Variants in LIPI observed in about 807,000 individuals in gnomAD.
LIPI encodes lipase member I.
In LIPI, 59 loss-of-function variants were observed where a neutral mutation model predicts 50.6. The ratio of observed to expected loss-of-function variants is 1.16; its 90% CI spans 0.94 to 1.45. LIPI has a LOEUF of 1.45. Ranked by LOEUF, LIPI falls within the 40% of genes most tolerant of loss-of-function variation. The probability of loss-of-function intolerance (pLI) is 0.00; values close to 1 mark genes in which losing one functional copy is unlikely to be tolerated. For synonymous variants in LIPI, 203 were observed against 178.2 expected (o/e 1.14, Z -1.11); for missense variants, 586 against 536.3 (o/e 1.09, Z -0.92).
chr21:14,184,432 A>G (rs188174148), intron 3 of LIPI, among the ~76,000 whole-genome samples: 4 of 152,114 alleles, frequency 2.6e-5, no homozygotes, highest in African/African-American at 9.7e-5. Flanking sequence ...CATATGTAAC[A>G]AACCTGCACG....
In LIPI at chr21:14,189,096, T is replaced by C. The variant is rs771954382; in HGVS notation, c.370A>G (p.Arg124Gly). Residue 124 changes from arginine to glycine, a missense_variant, in exon 2 of 10, where the codon AGA becomes GGA. Coordinates refer to ENST00000681601, the MANE Select transcript of LIPI (RefSeq NM_001302998.2). ...SRGATTFIYN[R>G]AVKNTRKVAV... is the part of the protein sequence containing the mutation. ...ACTTTTCTGGTGTTTTTAACTGCTC[T>C]ATTATAAATAAAAGTTGTAGCACCC... 7 of 1,612,306 alleles carry C rather than the reference T, an allele frequency of 4.3e-6. No homozygotes were observed. Among genetic ancestry groups the C allele is most frequent in the Admixed American group, 1.7e-5 (1 of 60,002 alleles).
intron 9 of LIPI, among the ~76,000 whole-genome samples, chr21:14,120,817 G>A (rs928017559): frequency 6.7e-6 from 1 of 148,218 alleles, no homozygotes; most frequent in Non-Finnish European, 1.5e-5. Context: ...GTTTCACCAA[G>A]GAACACACAT....
intron 7 of LIPI, among the ~76,000 whole-genome samples, chr21:14,157,343 G>A (rs2018309189): frequency 1.3e-5 from 2 of 151,904 alleles, no homozygotes; most frequent in East Asian, 1.9e-4. Context: ...AAAAATCAGA[G>A]CATTTAGTCA....
At chr21:14,162,013 T>C (rs1334908361) in intron 7 of LIPI, among the ~76,000 whole-genome samples, 1 of 147,280 alleles carries the variant, frequency 6.8e-6, no homozygotes, top group Non-Finnish European at 1.5e-5. Context: ...AATGATTCAC[T>C]ATACCTTTAG....
Position 14,166,434 on chromosome 21 carries a change from G to A in LIPI, c.661C>T (p.Pro221Ser). 1 of 1,603,438 alleles carries A rather than the reference G, an allele frequency of 6.2e-7. No homozygotes were observed. Among genetic ancestry groups the A allele is most frequent in the Non-Finnish European group, 8.5e-7 (1 of 1,170,524 alleles). Residue 221 changes from proline (P) to serine (S), a missense_variant, in exon 5 of 10, where the codon CCC (proline) becomes TCC (serine). Pro to Ser is a moderately conservative substitution (Grantham distance 74). Coordinates refer to ENST00000681601, the MANE Select transcript of LIPI (RefSeq NM_001302998.2). ...GGATAAAAATCTATATGTCCCAAGG[G>A]CTCTTGAATGCCTAAACCTGAGAAG... ...SDSNGLGIQE[P>S]LGHIDFYPNG...
At chr21:14,160,589 C>T (rs1010369670) in intron 7 of LIPI, among the ~76,000 whole-genome samples, 1 of 151,244 alleles carries the variant, frequency 6.6e-6, no homozygotes, top group Non-Finnish European at 1.5e-5. Flanking sequence ...GGGCTCAACA[C>T]AGAGTTCTTA....
chr21:14,136,450 G>C (rs1422825919), intron 9 of LIPI, among the ~76,000 whole-genome samples: 1 of 152,148 alleles, frequency 6.6e-6, no homozygotes. Context: ...CTGTCCAAGG[G>C]TGGTGGTGCC....
intron 9 of LIPI, among the ~76,000 whole-genome samples, chr21:14,122,763 A>G (rs2016912997): frequency 6.6e-6 from 1 of 152,220 alleles, no homozygotes; most frequent in Non-Finnish European, 1.5e-5. Context: ...AAAGCCAAAC[A>G]TACCTTTTTG....
chr21:14,158,916 A>G (rs1232388628), intron 7 of LIPI, among the ~76,000 whole-genome samples: 1 of 151,288 alleles, frequency 6.6e-6, no homozygotes, highest in African/African-American at 2.4e-5. Flanking sequence ...AAAAACCACA[A>G]ACTACAAAAC....
intron 1 of LIPI, among the ~76,000 whole-genome samples, chr21:14,202,547 A>G (rs983715648): frequency 2.3e-4 from 35 of 152,136 alleles, no homozygotes; most frequent in African/African-American, 8.4e-4. Context: ...CAACCATCTG[A>G]TCTTTGACAA....
At chr21:14,197,893 G>A (rs552112273) in intron 1 of LIPI, among the ~76,000 whole-genome samples, 1 of 152,078 alleles carries the variant, frequency 6.6e-6, no homozygotes, top group African/African-American at 2.4e-5. Flanking sequence ...CACCTACAAA[G>A]GGGAGCCATC....
intron 8 of LIPI, among the ~76,000 whole-genome samples, chr21:14,145,709 G>GA (rs35121631): frequency 6.6e-6 from 1 of 151,684 alleles, no homozygotes; most frequent in Admixed American, 6.6e-5. Flanking sequence ...GAAGTGAAGG[G>GA]AAAAAAAGTT....
intron 7 of LIPI, among the ~76,000 whole-genome samples, chr21:14,159,594 T>A (rs1231065578): frequency 1.3e-5 from 2 of 151,296 alleles, no homozygotes; most frequent in African/African-American, 2.4e-5. Flanking sequence ...CAAAGGTATC[T>A]GTGCTTACCA....
chr21:14,141,437 C>T (rs1338801309), intron 9 of LIPI, among the ~76,000 whole-genome samples: 2 of 150,848 alleles, frequency 1.3e-5, no homozygotes, highest in Non-Finnish European at 3.0e-5. Flanking sequence ...ATCAGTTGTC[C>T]CATCATCTCA....
chr21:14,133,384 A>T (rs1407881261), intron 9 of LIPI, among the ~76,000 whole-genome samples: 2 of 152,242 alleles, frequency 1.3e-5, no homozygotes, highest in Non-Finnish European at 2.9e-5. Context: ...GAAAGACATC[A>T]TCTCAATAGA....
At chr21:14,209,206 G>A (rs922942171) in intron 1 of LIPI, among the ~76,000 whole-genome samples, 1 of 152,116 alleles carries the variant, frequency 6.6e-6, no homozygotes, top group Non-Finnish European at 1.5e-5. Context: ...CTGTATATCT[G>A]TATAAAGTTT....
intron 1 of LIPI, among the ~76,000 whole-genome samples, chr21:14,205,681 T>G (rs948919119): frequency 6.6e-6 from 1 of 152,096 alleles, no homozygotes; most frequent in Non-Finnish European, 1.5e-5. Context: ...TATTTTAATA[T>G]TTTTAGTTTC....
chr21:14,137,519 AG>A (rs1424923442), intron 9 of LIPI, among the ~76,000 whole-genome samples: 1 of 152,208 alleles, frequency 6.6e-6, no homozygotes, highest in Admixed American at 6.5e-5. Flanking sequence ...ACTTAAAGAC[AG>A]GCTATTTGAA....
At chr21:14,109,273 T>C (rs1391139870) in intron 9 of LIPI, among the ~76,000 whole-genome samples, 193 bp from the exon 10 acceptor site, 1 of 152,114 alleles carries the variant, frequency 6.6e-6, no homozygotes, top group African/African-American at 2.4e-5. Flanking sequence ...GAAATAGACA[T>C]AATGCTTATA....
Sources: gnomAD v4.1 joint callset for allele counts (sites outside exome capture counted in the v4.1 genomes callset) on GRCh38, gnomAD v4.1.1 for gene constraint, MANE v1.5 for transcripts, NCBI Gene and HGNC (gene_info 2026-07-23, HGNC 2026-07-21) for gene names.